Variants in PDE4B observed in about 807,000 individuals in gnomAD.
PDE4B encodes 3',5'-cyclic-AMP phosphodiesterase 4B.
PDE4B carries 20 observed loss-of-function variants against 82.2 expected under a neutral mutation model. The observed-to-expected ratio is 0.24, with a 90% CI of 0.17 to 0.35. The LOEUF is 0.35. PDE4B is among the 10% of genes least tolerant of loss of function. PDE4B has a pLI of 1.00. For synonymous variants in PDE4B, 320 were observed against 318.9 expected (o/e 1.00, Z -0.04); for missense variants, 655 against 907.2 (o/e 0.72, Z 3.57).
At chr1:66,275,092 C>CT (rs1655783999) in intron 7 of PDE4B, among the ~76,000 whole-genome samples, 1 of 152,150 alleles carries the variant, frequency 6.6e-6, no homozygotes, top group Non-Finnish European at 1.5e-5. Context: ...AGGGACACCC[C>CT]TAAATACAGC....
At chr1:66,251,684 G>A (rs948884976) in intron 4 of PDE4B, among the ~76,000 whole-genome samples, 2 of 152,174 alleles carry the variant, frequency 1.3e-5, no homozygotes, top group Non-Finnish European at 2.9e-5. Flanking sequence ...AGCTAGAGGA[G>A]TCAGGCAGGC....
chr1:65,823,183 G>A (rs1047181686), intron 1 of PDE4B, among the ~76,000 whole-genome samples: 7 of 151,892 alleles, frequency 4.6e-5, no homozygotes, highest in African/African-American at 7.3e-5. Context: ...GGATCGCAAG[G>A]TCAGGAGTTC....
At chr1:66,147,469 C>T (rs1006753114) in intron 3 of PDE4B, among the ~76,000 whole-genome samples, 2 of 152,184 alleles carry the variant, frequency 1.3e-5, no homozygotes, top group African/African-American at 4.8e-5. Flanking sequence ...TCTATGACAC[C>T]AGCTACCTTC....
In PDE4B at chr1:66,221,825, T is replaced by C. The variant is rs1016199927; in HGVS notation, c.282-25635T>C. On this transcript the variant is annotated intron_variant, in intron 3 of 16. Transcript: ENST00000341517. ...TCTTTGTTCCCTTTGGCTAATATTA[T>C]TGAAAGCTTATTGAATCCTCTTCCC... 2.6e-5 allele frequency among the ~76,000 whole-genome samples: 4 copies of C among 152,152 alleles called. No homozygotes were observed. The South Asian group carries it at 8.3e-4, about 32-fold the overall frequency.
intron 9 of PDE4B, among the ~76,000 whole-genome samples, chr1:66,356,041 T>C (rs557778884): frequency 2.0e-5 from 3 of 152,310 alleles, no homozygotes; most frequent in South Asian, 2.1e-4. Context: ...TCCTCTATGA[T>C]GTTTTGTAGG....
intron 3 of PDE4B, among the ~76,000 whole-genome samples, chr1:66,227,535 C>T (rs2101621857): frequency 6.6e-6 from 1 of 152,298 alleles, no homozygotes; most frequent in African/African-American, 2.4e-5. Flanking sequence ...TGAACATCTA[C>T]TCTGAGATAT....
chr1:65,894,267 A>G (rs1046565054), intron 1 of PDE4B, among the ~76,000 whole-genome samples: 1 of 152,206 alleles, frequency 6.6e-6, no homozygotes, highest in Non-Finnish European at 1.5e-5. Context: ...TGCCTATACC[A>G]GCAAGTAATT....
At chr1:65,886,847 C>T (rs1488513535) in intron 1 of PDE4B, among the ~76,000 whole-genome samples, 1 of 152,172 alleles carries the variant, frequency 6.6e-6, no homozygotes, top group Non-Finnish European at 1.5e-5. Context: ...GTAAGTGCAG[C>T]ATCCCTTTTA....
At chr1:66,265,823 G>C (rs187429307) in intron 6 of PDE4B, among the ~76,000 whole-genome samples, 2 of 152,282 alleles carry the variant, frequency 1.3e-5, no homozygotes, top group Admixed American at 6.5e-5. Context: ...AGCATCCTGA[G>C]GACTTGCAGA....
chr1:66,197,030 C>A (rs1648373978), intron 3 of PDE4B, among the ~76,000 whole-genome samples: 2 of 151,884 alleles, frequency 1.3e-5, no homozygotes, highest in Admixed American at 6.6e-5. Context: ...GGAATGCAAA[C>A]CATACCAATT....
intron 3 of PDE4B, among the ~76,000 whole-genome samples, chr1:65,935,879 G>C (rs1365766635): frequency 6.6e-6 from 1 of 152,064 alleles, no homozygotes; most frequent in East Asian, 1.9e-4. Context: ...GGAGGTTGCG[G>C]TGAGCCGAGA....
intron 3 of PDE4B, among the ~76,000 whole-genome samples, chr1:66,176,655 C>A (rs1646937539): frequency 6.6e-6 from 1 of 152,180 alleles, no homozygotes; most frequent in African/African-American, 2.4e-5. Flanking sequence ...TTTTGAATTA[C>A]CATGCCTGCT....
At chr1:66,237,539 A>C (rs917758452) in intron 3 of PDE4B, among the ~76,000 whole-genome samples, 2 of 152,198 alleles carry the variant, frequency 1.3e-5, no homozygotes, top group African/African-American at 2.4e-5. Flanking sequence ...TCTGCTTGAA[A>C]GGTCAAAGAC....
chr1:66,015,628 A>G (rs917775977), intron 3 of PDE4B, among the ~76,000 whole-genome samples: 1 of 152,208 alleles, frequency 6.6e-6, no homozygotes, highest in Non-Finnish European at 1.5e-5. Flanking sequence ...AAAGATCTTA[A>G]GGTAGGAATA....
chr1:66,017,330 T>G (rs1290362840), intron 3 of PDE4B, among the ~76,000 whole-genome samples: 12 of 152,186 alleles, frequency 7.9e-5, no homozygotes. Context: ...GAGGATCATA[T>G]CCAGTAGACC....
chr1:66,122,699 TTTTC>T (rs1443447152), intron 3 of PDE4B, among the ~76,000 whole-genome samples: 2 of 91,052 alleles, frequency 2.2e-5, no homozygotes, highest in Admixed American at 1.6e-4. Context: ...CTTTCTCTTC[TTTTC>T]TTTTTTTTTT....
chr1:66,148,050 T>C (rs1646311296), intron 3 of PDE4B, among the ~76,000 whole-genome samples: 1 of 152,022 alleles, frequency 6.6e-6, no homozygotes, highest in Non-Finnish European at 1.5e-5. Context: ...ATAGATGGAT[T>C]CTTGAGGTCA....
chr1:65,829,850 G>A (rs1394775808), intron 1 of PDE4B, among the ~76,000 whole-genome samples: 1 of 152,138 alleles, frequency 6.6e-6, no homozygotes, highest in Non-Finnish European at 1.5e-5. Flanking sequence ...ACGATCTCAT[G>A]TTTAGCTTAA....
chr1:66,054,123 T>C (rs1054709373), intron 3 of PDE4B, among the ~76,000 whole-genome samples: 3 of 152,216 alleles, frequency 2.0e-5, no homozygotes, highest in Non-Finnish European at 4.4e-5. Context: ...TGAGTGACTC[T>C]GAAGCTTGTG....
Sources: gnomAD v4.1 joint callset for allele counts (sites outside exome capture counted in the v4.1 genomes callset) on GRCh38, gnomAD v4.1.1 for gene constraint, MANE v1.5 for transcripts, NCBI Gene and HGNC (gene_info 2026-07-23, HGNC 2026-07-21) for gene names.